The following CSNK1E variants were observed in gnomAD, a reference collection of about 807,000 sequenced individuals.
CSNK1E encodes the protein casein kinase I isoform epsilon.
Under a neutral mutation model 46.1 loss-of-function variants are expected in CSNK1E, and 17 were observed. That is an observed-to-expected ratio of 0.37 (90% CI 0.25 to 0.55). CSNK1E has a LOEUF of 0.55. CSNK1E is among the 20% of genes least tolerant of loss of function. The pLI is 0.82. For missense variants in CSNK1E, 386 were observed against 595.4 expected (o/e 0.65, Z 3.66); for synonymous variants, 241 against 242.6 (o/e 0.99, Z 0.06).
intron 4 of CSNK1E, 67 bp from the exon 5 acceptor site, chr22:38,301,019 G>A: frequency 2.2e-6 from 3 of 1,369,610 alleles, no homozygotes; most frequent in African/African-American, 1.4e-5. Flanking sequence ...CCAGGCAGGG[G>A]CTGGGGCCAC....
chr22:38,291,229 A>T lies in CSNK1E; in HGVS notation c.*742T>A, dbSNP rs1347438189. ...CTGAGCTCTGAGGGATGCGGAGGTCACCGCCCACCCCCATGTCCTTGTTAG... is the reference window on the plus strand; with the variant it reads ...CTGAGCTCTGAGGGATGCGGAGGTCTCCGCCCACCCCCATGTCCTTGTTAG... On this transcript the variant is annotated 3_prime_UTR_variant, in exon 11 of 11. Coordinates refer to ENST00000396832, the MANE Select transcript of CSNK1E (RefSeq NM_152221.3). 1 of 152,214 alleles carries T rather than the reference A, an allele frequency of 6.6e-6. No individual in the cohort carries two copies. Among genetic ancestry groups the T allele is most frequent in the African/African-American group, 2.4e-5 (1 of 41,446 alleles). 9.4% of individuals were successfully genotyped at this position (152,214 alleles called of 1,614,324 possible).
At chr22:38,297,332 C>G (rs1053398657) in intron 7 of CSNK1E, among the ~76,000 whole-genome samples, 1 of 152,210 alleles carries the variant, frequency 6.6e-6, no homozygotes, top group Non-Finnish European at 1.5e-5. Context: ...GCCAGAAGGT[C>G]TAGGGTGAAG....
At chr22:38,304,629 A>G (rs1169365981) in intron 2 of CSNK1E, among the ~76,000 whole-genome samples, 1 of 152,154 alleles carries the variant, frequency 6.6e-6, no homozygotes, top group East Asian at 1.9e-4. Flanking sequence ...GCGGCAGTGA[A>G]GAGGAAAGGA....
chr22:38,302,676 G>A (rs1341942021), intron 4 of CSNK1E, among the ~76,000 whole-genome samples, 185 bp downstream of exon 4: 2 of 152,216 alleles, frequency 1.3e-5, no homozygotes, highest in South Asian at 2.1e-4. Context: ...GCACCACTGC[G>A]CTCCAGCCTG....
chr22:38,293,071 G>A (rs1003606895), intron 10 of CSNK1E, 184 bp downstream of exon 10: 1 of 610,166 alleles, frequency 1.6e-6, no homozygotes, highest in Admixed American at 2.8e-5. Flanking sequence ...GAAACCCTTG[G>A]CCCCAAGTCA....
rs2092754504 is a variant in CSNK1E at position 38,317,429 on chromosome 22, C to T, written c.-282G>A. 2 of 130,586 alleles carry T rather than the reference C, an allele frequency of 1.5e-5. No homozygotes were observed. The highest frequency in any genetic ancestry group is 1.5e-4 in the Admixed American group (2 of 13,678). 8.1% of individuals were successfully genotyped at this position (130,586 alleles called of 1,614,324 possible). A position where few individuals can be genotyped will look rare whatever the true frequency, so the allele number is the denominator to read the frequency against. On this transcript the variant is annotated 5_prime_UTR_variant, in exon 1 of 11. Coordinates refer to ENST00000396832, the MANE Select transcript of CSNK1E (RefSeq NM_152221.3). Reference sequence around the variant, plus strand: ...CCCGCCCCCGCCGCCGGCTCGCGCGCTCTCGCACCGCGCGCGCCCGCCGGC... The same window carrying T: ...CCCGCCCCCGCCGCCGGCTCGCGCGTTCTCGCACCGCGCGCGCCCGCCGGC...
At position 38,291,284 on chromosome 22, in the gene CSNK1E, G is replaced by C. The variant is rs1341306444; in HGVS notation, c.*687C>G. The C allele has an allele frequency of 6.5e-6, 1 of 152,828 alleles. No individual in the cohort carries two copies. Among genetic ancestry groups the C allele is most frequent in the African/African-American group, 2.4e-5 (1 of 41,406 alleles). 9.5% of individuals were successfully genotyped at this position (152,828 alleles called of 1,614,324 possible). Reference sequence around the variant, plus strand: ...CACAGGAGAACGGGAATTCGGGCTGGCAGGCGGGGCGGGCCGTGGCACCTG... The same window carrying C: ...CACAGGAGAACGGGAATTCGGGCTGCCAGGCGGGGCGGGCCGTGGCACCTG... On this transcript the variant is annotated 3_prime_UTR_variant, in exon 11 of 11. Transcript: ENST00000396832.
rs780840272 is a variant in CSNK1E at position 38,294,314 on chromosome 22, C to T, written c.1078+28G>A. ...ACAGAGCCCCCCACCCACCCTGAAC[C>T]CAGCCCACTGCCTGAGTCCCTGCTC... is the stretch of plus-strand genomic sequence containing the variant. On this transcript the variant is annotated intron_variant, in intron 8 of 10. Transcript: ENST00000396832. The surrounding 1 kb of genome is among the most constrained non-coding windows in gnomAD (Gnocchi z 5.5). The T allele has an allele frequency of 1.8e-5, 28 of 1,589,980 alleles. No individual in the cohort carries two copies. In the South Asian group the frequency reaches 3.2e-4, roughly 18 times the overall value.
Position 38,303,172 on chromosome 22 carries a change from G to T in CSNK1E, c.153C>A (p.Ile51=). The T allele has an allele frequency of 6.2e-7, 1 of 1,610,572 alleles. No homozygotes were observed. Among genetic ancestry groups the T allele is most frequent in the Non-Finnish European group, 8.5e-7 (1 of 1,178,992 alleles). Reference sequence around the variant, plus strand: ...GCATCATCTTGTAGAACTTGCTCTCGATGTGCAGCTGGGGGTGCTTTGTCT... The same window carrying T: ...GCATCATCTTGTAGAACTTGCTCTCTATGTGCAGCTGGGGGTGCTTTGTCT... The part of the protein sequence containing the change: ...CVKTKHPQLH[I]ESKFYKMMQG... Residue 51 remains isoleucine, a synonymous_variant, in exon 3 of 11, where the codon ATC becomes ATA. Coordinates refer to ENST00000396832, the MANE Select transcript of CSNK1E (RefSeq NM_152221.3). This position sits in a 1 kb window ranked among gnomAD's most constrained non-coding sequence, Gnocchi z 4.7.
At chr22:38,299,388 C>T (rs748062817) in intron 6 of CSNK1E, among the ~76,000 whole-genome samples, 8 of 152,194 alleles carry the variant, frequency 5.3e-5, no homozygotes, top group Non-Finnish European at 1.0e-4. Context: ...GGAGATGAGG[C>T]AGGAATGTAG....
chr22:38,313,549 G>A lies in CSNK1E; in HGVS notation c.76+533C>T, dbSNP rs560466618. On this transcript the variant is annotated intron_variant, in intron 2 of 10. Coordinates refer to ENST00000396832, the MANE Select transcript of CSNK1E (RefSeq NM_152221.3). ...CATACTTTCAACAGGAAGCACATCC[G>A]GAGAGAAAAAGAGAGAGAGAGAACT... is the stretch of plus-strand genomic sequence containing the variant. Among the ~76,000 whole-genome samples the A allele has an allele frequency of 2.4e-4, 36 of 152,240 alleles. 1 individual carries two copies. In the South Asian group the frequency reaches 3.7e-3, roughly 16 times the overall value.
At chr22:38,313,593 A>C (rs945620759) in intron 2 of CSNK1E, among the ~76,000 whole-genome samples, 9 of 152,174 alleles carry the variant, frequency 5.9e-5, no homozygotes, top group African/African-American at 2.2e-4. Context: ...AGGAGACCGC[A>C]TCCCCCCACC....
At chr22:38,296,364 A>C in intron 7 of CSNK1E, 1 of 1,389,464 alleles carries the variant, frequency 7.2e-7, no homozygotes, top group African/African-American at 1.5e-5. Context: ...ATGTGCTGAG[A>C]GTGGCTTCCA....
In CSNK1E at chr22:38,314,152, C is replaced by A. The variant is rs770165554; in HGVS notation, c.6G>T (p.Glu2Asp). 1.9e-6 allele frequency: 3 copies of A among 1,614,058 alleles called. No homozygotes were observed. Among genetic ancestry groups the A allele is most frequent in the Non-Finnish European group, 2.5e-6 (3 of 1,179,932 alleles). The change falls in exon 2 of 11, where the codon GAG becomes GAT. Residue 2 changes from glutamate to aspartate, a missense_variant. Physicochemically the swap from Glu to Asp is conservative, Grantham distance 45. This residue lies in a region of CSNK1E where 212 missense variants were observed against 410.2 expected (regional missense o/e 0.52). Coordinates refer to ENST00000396832, the MANE Select transcript of CSNK1E (RefSeq NM_152221.3). The part of the protein sequence containing the change: M[E>D]LRVGNKYRLG... ...GGCGGTACTTGTTCCCCACACGTAG[C>A]TCCATGGCTCACTCTTGCTGCAGAG...
At chr22:38,301,438 TA>T (rs1362554541) in intron 4 of CSNK1E, among the ~76,000 whole-genome samples, 1 of 151,810 alleles carries the variant, frequency 6.6e-6, no homozygotes, top group Admixed American at 6.6e-5. Flanking sequence ...TTTCCTTTGA[TA>T]TTTTTTTTTT....
intron 2 of CSNK1E, among the ~76,000 whole-genome samples, chr22:38,312,463 T>C (rs1438168436): frequency 2.0e-5 from 3 of 152,280 alleles, no homozygotes; most frequent in Middle Eastern, 3.4e-3. Context: ...CATTTTCTCA[T>C]TGGTTTGCTT....
At chr22:38,313,402 G>A (rs1197457038) in intron 2 of CSNK1E, among the ~76,000 whole-genome samples, 1 of 152,234 alleles carries the variant, frequency 6.6e-6, no homozygotes, top group Non-Finnish European at 1.5e-5. Flanking sequence ...CAAAGGAAGG[G>A]CCAAGACTCA....
At chr22:38,313,028 G>A (rs2092727731) in intron 2 of CSNK1E, among the ~76,000 whole-genome samples, 1 of 152,198 alleles carries the variant, frequency 6.6e-6, no homozygotes, top group South Asian at 2.1e-4. Flanking sequence ...AGGGGCTGCA[G>A]AAAGTACCCT....
chr22:38,298,864 T>C lies in CSNK1E; in HGVS notation c.807A>G (p.Leu269=). ...RFDDKPDYSY[L]RQLFRNLFHR... is the part of the protein sequence containing the mutation. ...GGAAGAGGTTGCGGAAGAGCTGACG[T>C]AGGTAAGAGTAGTCGGGCTTGTCGT... Residue 269 remains leucine (L), a synonymous_variant, in exon 7 of 11, where the codon CTA becomes CTG. Coordinates refer to ENST00000396832, the MANE Select transcript of CSNK1E (RefSeq NM_152221.3). The surrounding 1 kb of genome is among the most constrained non-coding windows in gnomAD (Gnocchi z 4.2). 1 of 1,613,994 alleles carries C rather than the reference T, an allele frequency of 6.2e-7. No homozygotes were observed. The highest frequency in any genetic ancestry group is 1.1e-5 in the South Asian group (1 of 91,074).
Sources: gnomAD v4.1 joint callset for allele counts (sites outside exome capture counted in the v4.1 genomes callset) on GRCh38, gnomAD v4.1.1 for gene constraint, gnomAD v4.1.1 regional missense constraint, Gnocchi (gnomAD v3.1) non-coding constraint, MANE v1.5 for transcripts, NCBI Gene and HGNC (gene_info 2026-07-23, HGNC 2026-07-21) for gene names.